The following GALNT13 variants were observed in gnomAD, a reference collection of about 807,000 sequenced individuals.
The protein encoded by GALNT13 is UDP-GalNAc:polypeptide N-acetylgalactosaminyltransferase 13.
Under a neutral mutation model 64.2 loss-of-function variants are expected in GALNT13, and 28 were observed. The observed-to-expected ratio is 0.44, with a 90% CI of 0.32 to 0.60. The LOEUF is 0.60. Among genes scored for constraint, GALNT13 ranks in the 20% least tolerant of loss-of-function variants. GALNT13 has a pLI of 0.05. For synonymous variants in GALNT13, 214 were observed against 224.6 expected (o/e 0.95, Z 0.42); for missense variants, 577 against 669.8 (o/e 0.86, Z 1.53).
In GALNT13 at chr2:154,213,899, G is replaced by A. The variant is rs146945162; in HGVS notation, c.312-28131G>A. Among the ~76,000 whole-genome samples the A allele has an allele frequency of 9.4e-3, 1,422 of 152,042 alleles. 11 individuals carry two copies. The highest frequency in any genetic ancestry group is 0.013 in the Non-Finnish European group (858 of 67,976). On this transcript the variant is annotated intron_variant, in intron 4 of 12. Transcript: ENST00000392825. ...GAGTTAGAGTAATAGTCATTCTCAC[G>A]TACTTCTCTTCATCTGTTCTGCTCC...
the GALNT13 span, among the ~76,000 whole-genome samples, chr2:153,838,628 T>G: frequency 1.7e-4 from 26 of 152,072 alleles, no homozygotes; most frequent in Non-Finnish European, 2.9e-4. Context: ...GGTGCAAAAG[T>G]CTGTTTTAAT....
At chr2:154,299,431 A>T (rs1003718067) in intron 8 of GALNT13, among the ~76,000 whole-genome samples, 1 of 151,252 alleles carries the variant, frequency 6.6e-6, no homozygotes, top group African/African-American at 2.4e-5. Context: ...TAGGAAGATG[A>T]GGAAGTTATC....
At chr2:153,292,691 T>C in the GALNT13 span, among the ~76,000 whole-genome samples, 1 of 152,228 alleles carries the variant, frequency 6.6e-6, no homozygotes, top group South Asian at 2.1e-4. Context: ...GAGGCAACTG[T>C]AGTAATCCCA....
the GALNT13 span, among the ~76,000 whole-genome samples, chr2:153,207,602 C>T: frequency 4.6e-5 from 7 of 152,074 alleles, no homozygotes; most frequent in African/African-American, 1.7e-4. Context: ...ATACTATTTT[C>T]ATAAGAAGAG....
the GALNT13 span, among the ~76,000 whole-genome samples, chr2:153,787,759 A>G: frequency 6.6e-6 from 1 of 152,222 alleles, no homozygotes; most frequent in Non-Finnish European, 1.5e-5. Context: ...AAATTATCTG[A>G]TAGAACCAAA....
At chr2:153,310,996 C>T in the GALNT13 span, among the ~76,000 whole-genome samples, 1 of 152,150 alleles carries the variant, frequency 6.6e-6, no homozygotes, top group Non-Finnish European at 1.5e-5. Flanking sequence ...CCTTTTAAAT[C>T]TTCTGCTTAG....
intron 9 of GALNT13, among the ~76,000 whole-genome samples, chr2:154,321,548 G>A (rs1175762289): frequency 2.0e-5 from 3 of 152,122 alleles, no homozygotes. Context: ...TACTAGCAAT[G>A]TAACCTTGGG....
At chr2:153,738,552 ACT>A in the GALNT13 span, among the ~76,000 whole-genome samples, 3 of 151,448 alleles carry the variant, frequency 2.0e-5, no homozygotes, top group African/African-American at 7.3e-5. Context: ...TTTTTGTTTC[ACT>A]CTCTTAGTAT....
At chr2:153,120,233 A>T in the GALNT13 span, among the ~76,000 whole-genome samples, 25 of 152,356 alleles carry the variant, frequency 1.6e-4, no homozygotes, top group African/African-American at 5.8e-4. Context: ...AGACAAAACA[A>T]CTACCTCAAC....
At chr2:153,946,502 C>T (rs1691754377) in intron 3 of GALNT13, among the ~76,000 whole-genome samples, 2 of 152,040 alleles carry the variant, frequency 1.3e-5, no homozygotes, top group African/African-American at 4.8e-5. Context: ...TTATTTCTTA[C>T]AATTTTGGAG....
At chr2:153,391,530 T>TA in the GALNT13 span, among the ~76,000 whole-genome samples, 2 of 152,124 alleles carry the variant, frequency 1.3e-5, no homozygotes, top group African/African-American at 2.4e-5. Flanking sequence ...GGTCTTTTGT[T>TA]AAAAAATGGA....
chr2:153,309,659 C>A, the GALNT13 span, among the ~76,000 whole-genome samples: 1 of 151,992 alleles, frequency 6.6e-6, no homozygotes, highest in Non-Finnish European at 1.5e-5. Context: ...ATCTCTGAGA[C>A]CTCTTTTCTT....
At chr2:154,174,547 C>T (rs781771067) in intron 4 of GALNT13, among the ~76,000 whole-genome samples, 7 of 152,050 alleles carry the variant, frequency 4.6e-5, no homozygotes, top group Non-Finnish European at 8.8e-5. Context: ...GAAAAGTGAA[C>T]ATTAACTTGT....
At chr2:153,294,737 C>T in the GALNT13 span, among the ~76,000 whole-genome samples, 1 of 152,252 alleles carries the variant, frequency 6.6e-6, no homozygotes, top group Non-Finnish European at 1.5e-5. Flanking sequence ...AATAGAAAAG[C>T]TAGAGTATCA....
At chr2:153,248,879 A>C in the GALNT13 span, among the ~76,000 whole-genome samples, 2 of 151,924 alleles carry the variant, frequency 1.3e-5, 1 homozygote, top group Admixed American at 1.3e-4. Flanking sequence ...GAAGGAACAT[A>C]CCTCAAAATA....
chr2:153,943,301 TA>T (rs1691471438), intron 2 of GALNT13, among the ~76,000 whole-genome samples: 1 of 152,150 alleles, frequency 6.6e-6, no homozygotes, highest in South Asian at 2.1e-4. Flanking sequence ...TATGTTAATA[TA>T]TTTTTCCCCT....
At chr2:154,064,548 G>C (rs560365058) in intron 3 of GALNT13, among the ~76,000 whole-genome samples, 5 of 152,224 alleles carry the variant, frequency 3.3e-5, no homozygotes, top group African/African-American at 1.2e-4. Flanking sequence ...CTCAGCCAGA[G>C]TAGGCTACAG....
At chr2:153,530,950 T>G in the GALNT13 span, among the ~76,000 whole-genome samples, 2 of 152,114 alleles carry the variant, frequency 1.3e-5, no homozygotes, top group African/African-American at 4.8e-5. Context: ...AAGAAAACAT[T>G]GGAGAAACTT....
At chr2:153,884,785 A>C (rs12988220) in intron 1 of GALNT13, among the ~76,000 whole-genome samples, 1 of 122,504 alleles carries the variant, frequency 8.2e-6, no homozygotes, top group Non-Finnish European at 1.6e-5. Flanking sequence ...ATATATATAT[A>C]TGTGTGTGTA....
Sources: gnomAD v4.1 joint callset for allele counts (sites outside exome capture counted in the v4.1 genomes callset) on GRCh38, gnomAD v4.1.1 for gene constraint, MANE v1.5 for transcripts, NCBI Gene and HGNC (gene_info 2026-07-23, HGNC 2026-07-21) for gene names.